The following NKIRAS1 variants were observed in gnomAD, a reference collection of about 807,000 sequenced individuals.
NKIRAS1 encodes the protein NF-kappa-B inhibitor-interacting Ras-like protein 1.
Under a neutral mutation model 19.8 loss-of-function variants are expected in NKIRAS1, and 16 were observed. The ratio of observed to expected loss-of-function variants is 0.81; its 90% confidence interval spans 0.55 to 1.23. The LOEUF is 1.23. Ranked by LOEUF, NKIRAS1 falls within the 50% of genes most tolerant of loss-of-function variation. The pLI, the probability that NKIRAS1 is intolerant of heterozygous loss-of-function variation, is 0.00. For missense variants in NKIRAS1, 184 were observed against 220.0 expected, an observed-to-expected ratio of 0.84 and a Z score of 1.04; for synonymous variants, 88 against 79.0, an observed-to-expected ratio of 1.11 and a Z score of -0.61.
In NKIRAS1 at chr3:23,892,593, T is replaced by G. The variant is rs1262058479; in HGVS notation, c.*502A>C. 1 of 152,270 alleles carries G rather than the reference T, an allele frequency of 6.6e-6. No homozygotes were observed. Among genetic ancestry groups the G allele is most frequent in the Non-Finnish European group, 1.5e-5 (1 of 68,078 alleles). The allele number at this position is 152,270 out of a possible 1,614,324, so 9.4% of individuals were successfully genotyped here. On this transcript the variant is annotated 3_prime_UTR_variant, in exon 5 of 5. Coordinates refer to ENST00000425478, the MANE Select transcript of NKIRAS1 (RefSeq NM_020345.4). ...TAGCAAAATCTCCACAAGATGAAAT[T>G]TAGCTTACTACCCCAAACTGTTCAA...
intron 1 of NKIRAS1, among the ~76,000 whole-genome samples, chr3:23,939,646 C>T (rs540254332): frequency 6.6e-6 from 1 of 152,296 alleles, no homozygotes; most frequent in African/African-American, 2.4e-5. Flanking sequence ...GAGGCTGAGG[C>T]AGGAGAATGG....
chr3:23,931,361 A>T (rs1455840037), intron 1 of NKIRAS1, among the ~76,000 whole-genome samples: 1 of 152,136 alleles, frequency 6.6e-6, no homozygotes, highest in Non-Finnish European at 1.5e-5. Context: ...GGCTCTTTCA[A>T]TGCCTGTTCT....
Position 23,896,681 on chromosome 3 carries a change from CAG to C in NKIRAS1, c.337-3346_337-3345del, listed in dbSNP as rs773365994. 2.9e-3 allele frequency among the ~76,000 whole-genome samples: 435 copies of C among 150,210 alleles called. 5 individuals carry two copies. The highest frequency in any genetic ancestry group is 0.01 in the Middle Eastern group (3 of 292). ...TACATTAGTTACCAAGAAAAAAAAA[CAG>C]GGGTGGGTGGATGGGTGTGGTGGCT... On this transcript the variant is annotated intron_variant, in intron 4 of 4. Transcript: ENST00000425478.
At chr3:23,932,403 T>C (rs768802077) in intron 1 of NKIRAS1, among the ~76,000 whole-genome samples, 10 of 152,320 alleles carry the variant, frequency 6.6e-5, no homozygotes, top group Middle Eastern at 3.4e-3. Context: ...TGTTTATTAT[T>C]GTTTGCTACA....
intron 3 of NKIRAS1, among the ~76,000 whole-genome samples, chr3:23,910,323 ATGT>A (rs1304698991): frequency 1.3e-5 from 2 of 151,150 alleles, no homozygotes; most frequent in African/African-American, 2.4e-5. Context: ...TGCCTGGCTA[ATGT>A]TGTATTTTTA....
chr3:23,920,689 A>T (rs1336169995), upstream of NKIRAS1: 2 of 985,218 alleles, frequency 2.0e-6, no homozygotes, highest in Non-Finnish European at 2.4e-6. Flanking sequence ...GTTTCAAAAG[A>T]CTCAGTTAAT....
At chr3:23,917,813 A>C (rs781521103), upstream of NKIRAS1, 1 of 1,566,146 alleles carries the variant, frequency 6.4e-7, no homozygotes, top group East Asian at 2.3e-5. Context: ...ATTGTACTTA[A>C]AGCGGATGAT....
At chr3:23,909,295 G>A (rs1331355159) in intron 3 of NKIRAS1, among the ~76,000 whole-genome samples, 5 of 152,184 alleles carry the variant, frequency 3.3e-5, no homozygotes, top group African/African-American at 1.2e-4. Context: ...GCCGAGGCGG[G>A]GGGATCACTT....
chr3:23,907,513 G>A (rs1429335022), intron 3 of NKIRAS1, among the ~76,000 whole-genome samples: 1 of 152,164 alleles, frequency 6.6e-6, no homozygotes, highest in African/African-American at 2.4e-5. Flanking sequence ...GGACCCACAT[G>A]GGCAAAACTA....
In NKIRAS1 at chr3:23,927,848, G is replaced by A. The variant is rs775933475; in HGVS notation, c.-139-16398C>T. 6.6e-6 allele frequency among the ~76,000 whole-genome samples: 1 copy of A among 152,168 alleles called. No individual in the cohort carries two copies. The highest frequency in any genetic ancestry group is 6.5e-5 in the Admixed American group (1 of 15,278). ...AATCCTAGAAATTTGGGAGGCCAAA[G>A]TGGGAGGACTGCTTGAGCCCAGGAG... On this transcript the variant is annotated intron_variant, in intron 1 of 4. Transcript: ENST00000421515. The surrounding 1 kb of genome is among the most constrained non-coding windows in gnomAD (Gnocchi z 4.0).
intron 1 of NKIRAS1, among the ~76,000 whole-genome samples, chr3:23,925,701 C>A (rs914413955): frequency 6.6e-6 from 1 of 152,184 alleles, no homozygotes; most frequent in African/African-American, 2.4e-5. Context: ...AATTCTCCTA[C>A]AGACAATGCA....
At chr3:23,920,498 T>C (rs1317149549), upstream of NKIRAS1, 1 of 985,114 alleles carries the variant, frequency 1.0e-6, no homozygotes, top group African/African-American at 1.7e-5. Context: ...TGACTATGAG[T>C]ATACCACCAC....
At chr3:23,929,204 G>A (rs13091509) in intron 1 of NKIRAS1, among the ~76,000 whole-genome samples, 119,326 of 151,110 alleles carry the variant, frequency 0.79, 47,846 homozygotes, top group African/African-American at 0.91. Flanking sequence ...TCTACTAAAA[G>A]TACAAAAAAA....
intron 3 of NKIRAS1, 62 bp downstream of exon 3, chr3:23,910,749 C>A: frequency 8.2e-7 from 1 of 1,226,060 alleles, no homozygotes; most frequent in East Asian, 2.4e-5. Flanking sequence ...TTTAGCATGA[C>A]CAACAAAAGA....
intron 4 of NKIRAS1, among the ~76,000 whole-genome samples, chr3:23,893,907 C>A (rs1451452213): frequency 6.7e-6 from 1 of 150,230 alleles, no homozygotes; most frequent in African/African-American, 2.4e-5. Flanking sequence ...AAATTGGCAT[C>A]TAGGATACAG....
chr3:23,920,770 AAAGAT>A, upstream of NKIRAS1: 1 of 969,060 alleles, frequency 1.0e-6, no homozygotes, highest in Middle Eastern at 5.3e-4. Context: ...CAAAAAAAGA[AAAGAT>A]CTTAAGTCAT....
upstream of NKIRAS1, chr3:23,917,766 T>C (rs56222205): frequency 0.02 from 26,948 of 1,379,922 alleles, 358 homozygotes; most frequent in Middle Eastern, 0.029. Flanking sequence ...TTCCTTGTTT[T>C]TGTTGGGGAA....
At chr3:23,939,730 C>T (rs1057033549) in intron 1 of NKIRAS1, among the ~76,000 whole-genome samples, 31 of 152,008 alleles carry the variant, frequency 2.0e-4, no homozygotes, top group African/African-American at 7.0e-4. Context: ...GGTGACAGAG[C>T]GAGACTCCGT....
chr3:23,944,390 G>A (rs1705571286), intron 1 of NKIRAS1, among the ~76,000 whole-genome samples: 1 of 152,188 alleles, frequency 6.6e-6, no homozygotes, highest in African/African-American at 2.4e-5. Context: ...CATCGCCTAA[G>A]TTTAACATCT....
Sources: gnomAD v4.1 joint callset for allele counts (sites outside exome capture counted in the v4.1 genomes callset) on GRCh38, gnomAD v4.1.1 for gene constraint, Gnocchi (gnomAD v3.1) non-coding constraint, MANE v1.5 for transcripts, NCBI Gene and HGNC (gene_info 2026-07-23, HGNC 2026-07-21) for gene names.